Variants in PRKG1 observed in about 807,000 individuals in gnomAD.
PRKG1 encodes protein kinase cGMP-dependent 1, also known as cGMP-dependent protein kinase 1.
In PRKG1, 35 loss-of-function variants were observed where a neutral mutation model predicts 88.1. That is an observed-to-expected ratio of 0.40 (90% CI 0.30 to 0.53). The LOEUF (loss-of-function observed/expected upper bound fraction) is 0.53, where lower values mean the gene tolerates loss of function less well. Ranked by LOEUF, PRKG1 falls within the 20% of genes least tolerant of loss-of-function variation. The pLI is 0.59. For missense variants in PRKG1, 540 were observed against 839.8 expected (o/e 0.64, Z 4.41); for synonymous variants, 303 against 292.5 (o/e 1.04, Z -0.37).
At chr10:51,682,227 C>T (rs1319363894) in intron 3 of PRKG1, among the ~76,000 whole-genome samples, 1 of 152,180 alleles carries the variant, frequency 6.6e-6, no homozygotes, top group Non-Finnish European at 1.5e-5. Context: ...TCACCATTGT[C>T]AACTTTGTAT....
intron 3 of PRKG1, among the ~76,000 whole-genome samples, chr10:51,640,116 A>G (rs1839760079): frequency 6.6e-6 from 1 of 152,194 alleles, no homozygotes; most frequent in Non-Finnish European, 1.5e-5. Flanking sequence ...ATTGTCCTCA[A>G]CATCATCATC....
chr10:51,624,330 G>A (rs1839281562), intron 3 of PRKG1, among the ~76,000 whole-genome samples: 1 of 152,150 alleles, frequency 6.6e-6, no homozygotes, highest in Non-Finnish European at 1.5e-5. Context: ...GTTTTCTTGA[G>A]GAGTAAGGAA....
At chr10:51,400,871 C>T (rs547166525) in intron 2 of PRKG1, among the ~76,000 whole-genome samples, 1 of 152,248 alleles carries the variant, frequency 6.6e-6, no homozygotes, top group South Asian at 2.1e-4. Context: ...GAATAAATTT[C>T]AGTATAGTTC....
At chr10:51,448,522 T>G (rs1839340726) in intron 2 of PRKG1, among the ~76,000 whole-genome samples, 1 of 152,098 alleles carries the variant, frequency 6.6e-6, no homozygotes, top group South Asian at 2.1e-4. Context: ...ATTTTCTACC[T>G]GTAGAGCTGA....
chr10:51,793,389 T>G (rs909500379), intron 3 of PRKG1, among the ~76,000 whole-genome samples: 3 of 151,726 alleles, frequency 2.0e-5, no homozygotes, highest in African/African-American at 7.3e-5. Flanking sequence ...AACAAAAAAC[T>G]TGTGAAATTT....
At chr10:51,388,896 A>G (rs948229284) in intron 2 of PRKG1, among the ~76,000 whole-genome samples, 3 of 152,216 alleles carry the variant, frequency 2.0e-5, no homozygotes, top group Admixed American at 6.5e-5. Context: ...TACATTTGCA[A>G]TAAAGACAAA....
At chr10:52,021,744 TG>T (rs1845191328) in intron 5 of PRKG1, among the ~76,000 whole-genome samples, 1 of 152,116 alleles carries the variant, frequency 6.6e-6, no homozygotes, top group Non-Finnish European at 1.5e-5. Flanking sequence ...TTGATGTTGT[TG>T]ACGATGAAAA....
At chr10:52,275,907 T>C (rs2132439840) in intron 12 of PRKG1, among the ~76,000 whole-genome samples, 1 of 152,242 alleles carries the variant, frequency 6.6e-6, no homozygotes, top group South Asian at 2.1e-4. Context: ...GTTAGGTATT[T>C]TCCGAAGTTT....
intron 3 of PRKG1, among the ~76,000 whole-genome samples, chr10:51,788,235 A>G (rs1284099720): frequency 6.6e-6 from 1 of 152,168 alleles, no homozygotes; most frequent in Admixed American, 6.6e-5. Context: ...CAGTTTTCAT[A>G]TTGCATAATC....
At chr10:51,862,500 G>A (rs1226389381) in intron 4 of PRKG1, among the ~76,000 whole-genome samples, 1 of 152,160 alleles carries the variant, frequency 6.6e-6, no homozygotes, top group African/African-American at 2.4e-5. Flanking sequence ...GAAGTGGGTA[G>A]CCCTCTGTGT....
At chr10:51,579,923 G>A (rs886545915) in intron 3 of PRKG1, among the ~76,000 whole-genome samples, 5 of 151,986 alleles carry the variant, frequency 3.3e-5, no homozygotes, top group African/African-American at 9.7e-5. Context: ...GTCTTTCACT[G>A]GGAATTGGGA....
At chr10:52,276,918 T>C (rs573007254) in intron 12 of PRKG1, among the ~76,000 whole-genome samples, 1 of 152,286 alleles carries the variant, frequency 6.6e-6, no homozygotes, top group South Asian at 2.1e-4. Context: ...CTGGTAAACA[T>C]TTGTGTGCAT....
At chr10:52,152,597 C>G (rs951338795) in intron 8 of PRKG1, among the ~76,000 whole-genome samples, 5 of 151,944 alleles carry the variant, frequency 3.3e-5, no homozygotes, top group African/African-American at 4.8e-5. Flanking sequence ...GAGGCAGATG[C>G]GTGAAGTATT....
chr10:52,179,966 C>T (rs766553401), intron 9 of PRKG1, among the ~76,000 whole-genome samples: 24 of 152,320 alleles, frequency 1.6e-4, no homozygotes, highest in African/African-American at 2.9e-4. Flanking sequence ...GGATTACAGG[C>T]GTGAGCCACC....
chr10:51,511,723 G>T (rs989678732), intron 3 of PRKG1, among the ~76,000 whole-genome samples: 1 of 152,116 alleles, frequency 6.6e-6, no homozygotes, highest in Non-Finnish European at 1.5e-5. Context: ...CCATTGCTTA[G>T]GAGAATGTAA....
Position 51,153,159 on chromosome 10 carries a change from C to A in PRKG1, c.312-5C>A. 1 of 1,608,530 alleles carries A rather than the reference C, an allele frequency of 6.2e-7. No individual in the cohort carries two copies. Among genetic ancestry groups the A allele is most frequent in the South Asian group, 1.1e-5 (1 of 90,458 alleles). On this transcript the variant is annotated splice_polypyrimidine_tract_variant and splice_region_variant and intron_variant, in intron 1 of 17. Transcript: ENST00000373980. ...TGCCAGTAAATCTTCCCTCTCTTGC[C>A]ATAGGTCCAAGGATCTTATAAAGGA...
chr10:51,787,626 G>C (rs1413493013), intron 3 of PRKG1, among the ~76,000 whole-genome samples: 2 of 152,142 alleles, frequency 1.3e-5, no homozygotes, highest in Admixed American at 6.6e-5. Context: ...CATTTAGTAA[G>C]TATACATTCT....
intron 3 of PRKG1, among the ~76,000 whole-genome samples, chr10:51,640,026 A>G (rs531284161): frequency 1.9e-4 from 29 of 152,334 alleles, no homozygotes; most frequent in African/African-American, 6.5e-4. Context: ...TGTAAAGATT[A>G]AAAGAGGTAA....
intron 3 of PRKG1, among the ~76,000 whole-genome samples, chr10:51,586,900 C>T (rs1176857466): frequency 3.9e-5 from 6 of 152,080 alleles, no homozygotes. Context: ...TTCCTGTCTT[C>T]CTGACTTGTA....
Sources: gnomAD v4.1 joint callset for allele counts (sites outside exome capture counted in the v4.1 genomes callset) on GRCh38, gnomAD v4.1.1 for gene constraint, MANE v1.5 for transcripts, NCBI Gene and HGNC (gene_info 2026-07-23, HGNC 2026-07-21) for gene names.